SEPTIN9: variants seen among roughly 807,000 people sequenced by gnomAD.
SEPTIN9 encodes septin 9.
A neutral mutation model predicts 56.6 loss-of-function variants in SEPTIN9; 13 were observed. The ratio of observed to expected loss-of-function variants is 0.23; its 90% CI spans 0.15 to 0.37. The LOEUF (loss-of-function observed/expected upper bound fraction) is 0.37, where lower values mean the gene tolerates loss of function less well. Among genes scored for constraint, SEPTIN9 ranks in the 10% least tolerant of loss-of-function variants. The probability of loss-of-function intolerance (pLI) is 1.00; values close to 1 mark genes in which losing one functional copy is unlikely to be tolerated. For missense variants in SEPTIN9, 650 were observed against 823.1 expected (o/e 0.79, Z 2.57); for synonymous variants, 332 against 334.1 (o/e 0.99, Z 0.07).
At chr17:77,298,292 A>G (rs952015353) in intron 1 of SEPTIN9, among the ~76,000 whole-genome samples, 1 of 152,194 alleles carries the variant, frequency 6.6e-6, no homozygotes, top group African/African-American at 2.4e-5. Flanking sequence ...TCCCTGGGGA[A>G]CCCATCTCCC....
intron 1 of SEPTIN9, chr17:77,288,279 T>A: frequency 1.1e-6 from 1 of 934,248 alleles, no homozygotes; most frequent in Non-Finnish European, 1.3e-6. Context: ...GCCTGCGCCA[T>A]GGCCGGGGCC....
At chr17:77,354,168 C>T (rs1241172875) in intron 2 of SEPTIN9, among the ~76,000 whole-genome samples, 1 of 152,174 alleles carries the variant, frequency 6.6e-6, no homozygotes, top group African/African-American at 2.4e-5. Context: ...TTGTTTTGTG[C>T]CAGATGCTGT....
intron 3 of SEPTIN9, among the ~76,000 whole-genome samples, chr17:77,458,493 C>G (rs117273351): frequency 0.02 from 3,010 of 152,306 alleles, 43 homozygotes; most frequent in Non-Finnish European, 0.03. Context: ...TTGCCTGTTA[C>G]GAACCACGTG....
chr17:77,454,431 C>T (rs754526937), intron 3 of SEPTIN9: 2 of 939,258 alleles, frequency 2.1e-6, no homozygotes, highest in Non-Finnish European at 2.5e-6. Flanking sequence ...CCGAGGGTGG[C>T]GGCCATGCCC....
At chr17:77,428,686 C>T (rs954343308) in intron 3 of SEPTIN9, among the ~76,000 whole-genome samples, 1 of 152,124 alleles carries the variant, frequency 6.6e-6, no homozygotes, top group Non-Finnish European at 1.5e-5. Flanking sequence ...CTACAGAGAG[C>T]AGTGCTGGAT....
chr17:77,494,861 C>G (rs1416423853), intron 10 of SEPTIN9, among the ~76,000 whole-genome samples: 1 of 152,208 alleles, frequency 6.6e-6, no homozygotes, highest in Non-Finnish European at 1.5e-5. Context: ...TGCACTCCTC[C>G]CCTACCACCA....
chr17:77,348,294 G>GTTTTTTTTTTTTTTT (rs367934946), intron 2 of SEPTIN9, among the ~76,000 whole-genome samples: 2 of 89,754 alleles, frequency 2.2e-5, no homozygotes, highest in Non-Finnish European at 4.0e-5. Flanking sequence ...TTTAATTTAT[G>GTTTTTTTTTTTTTTT]TTTTTTTTTT....
At position 77,423,879 on chromosome 17, in the gene SEPTIN9, G is replaced by A. The variant is rs1001466023; in HGVS notation, c.721+21176G>A. On this transcript the variant is annotated intron_variant, in intron 3 of 11. Transcript: ENST00000427177. Reference sequence around the variant, plus strand: ...TCTGGAAAGTCCAGGCATGTGCTCTGGAAGCAGGTGCCAGCGATGAGCTCA... The same window carrying A: ...TCTGGAAAGTCCAGGCATGTGCTCTAGAAGCAGGTGCCAGCGATGAGCTCA... Among the ~76,000 whole-genome samples, 3 of 152,182 alleles carry A rather than the reference G, an allele frequency of 2.0e-5. No individual in the cohort carries two copies. The South Asian group carries it at 6.2e-4, about 31-fold the overall frequency.
chr17:77,418,898 A>G (rs3987886), intron 3 of SEPTIN9, among the ~76,000 whole-genome samples: 55,222 of 151,748 alleles, frequency 0.36, 10,502 homozygotes, highest in Non-Finnish European at 0.4. Context: ...AGCCACAGCC[A>G]GGAGGCAGCA....
At chr17:77,486,529 C>CTGTGTGT (rs1568114414) in intron 4 of SEPTIN9, among the ~76,000 whole-genome samples, 38 of 119,662 alleles carry the variant, frequency 3.2e-4, no homozygotes, top group Non-Finnish European at 4.9e-4. Flanking sequence ...TGTGCGCGCA[C>CTGTGTGT]GCGCGCGCGT....
intron 1 of SEPTIN9, among the ~76,000 whole-genome samples, chr17:77,304,254 G>A (rs73997464): frequency 0.026 from 3,936 of 152,298 alleles, 179 homozygotes; most frequent in African/African-American, 0.09. Context: ...CTCAGGCTGC[G>A]CTCGCCCCCT....
intron 2 of SEPTIN9, among the ~76,000 whole-genome samples, chr17:77,340,144 G>GT (rs905725976): frequency 1.8e-3 from 268 of 147,632 alleles, no homozygotes; most frequent in African/African-American, 6.5e-3. Context: ...TTGTTTTTTT[G>GT]TTTTTTTTCA....
chr17:77,316,496 C>T (rs1267708233), intron 2 of SEPTIN9, among the ~76,000 whole-genome samples: 2 of 152,152 alleles, frequency 1.3e-5, no homozygotes, highest in Admixed American at 6.5e-5. Flanking sequence ...CAGCCCTGGC[C>T]GTCAAACCCA....
intron 3 of SEPTIN9, among the ~76,000 whole-genome samples, chr17:77,411,131 T>G (rs563845519): frequency 9.2e-4 from 138 of 150,118 alleles, no homozygotes; most frequent in African/African-American, 3.0e-3. Flanking sequence ...AGATAGAAAA[T>G]GAAGATCACA....
intron 3 of SEPTIN9, among the ~76,000 whole-genome samples, chr17:77,424,927 G>A (rs748371056): frequency 6.6e-6 from 1 of 152,176 alleles, no homozygotes; most frequent in Admixed American, 6.5e-5. Flanking sequence ...TGGGAGGCTT[G>A]GACCCCTGCT....
At chr17:77,306,062 G>A (rs1208020062) in intron 1 of SEPTIN9, among the ~76,000 whole-genome samples, 1 of 151,538 alleles carries the variant, frequency 6.6e-6, no homozygotes, top group Non-Finnish European at 1.5e-5. Context: ...GATGTGTGGA[G>A]GGGTGGTGGG....
intron 3 of SEPTIN9, chr17:77,404,952 C>T: frequency 1.2e-6 from 1 of 826,498 alleles, no homozygotes; most frequent in South Asian, 1.8e-5. Flanking sequence ...GCTGTTTCCT[C>T]CCCTGCCTTC....
Position 77,414,864 on chromosome 17 carries a change from T to C in SEPTIN9, c.721+12161T>C, listed in dbSNP as rs2036443105. Reference sequence around the variant, plus strand: ...AAGTTCTGGAATTACAGGCGTGAGCTACTGCGCCTGGCCGATTCTAGACAT... The same window carrying C: ...AAGTTCTGGAATTACAGGCGTGAGCCACTGCGCCTGGCCGATTCTAGACAT... On this transcript the variant is annotated intron_variant, in intron 3 of 11. Transcript: ENST00000427177. Among the ~76,000 whole-genome samples, 4 of 152,198 alleles carry C rather than the reference T, an allele frequency of 2.6e-5. No homozygotes were observed. The South Asian group carries it at 6.2e-4, about 24-fold the overall frequency.
At chr17:77,387,233 C>T (rs1337049761) in intron 2 of SEPTIN9, among the ~76,000 whole-genome samples, 3 of 152,256 alleles carry the variant, frequency 2.0e-5, no homozygotes, top group Admixed American at 2.0e-4. Context: ...AGGCCTCTCT[C>T]CCAGCTTCTG....
Sources: allele counts gnomAD v4.1 joint callset (sites outside exome capture counted in the v4.1 genomes callset), GRCh38; gene constraint gnomAD v4.1.1; transcripts MANE v1.5; gene names NCBI Gene and HGNC (gene_info 2026-07-23, HGNC 2026-07-21).